SLC13A4: variants seen among roughly 807,000 people sequenced by gnomAD.
SLC13A4 encodes the protein solute carrier family 13 member 4, also known as Na(+)/sulfate cotransporter SUT-1.
SLC13A4 carries 28 observed loss-of-function variants against 72.7 expected under a neutral mutation model. That is an observed-to-expected ratio of 0.39 (90% CI 0.29 to 0.53). The LOEUF (loss-of-function observed/expected upper bound fraction) is 0.53, where lower values mean the gene tolerates loss of function less well. SLC13A4 is among the 20% of genes least tolerant of loss of function. SLC13A4 has a pLI of 0.78. For missense variants in SLC13A4, 653 were observed against 788.0 expected (o/e 0.83, Z 2.05); for synonymous variants, 312 against 325.5 (o/e 0.96, Z 0.45).
At chr7:135,697,587 T>C (rs76335961) in intron 8 of SLC13A4, among the ~76,000 whole-genome samples, 1 of 128,026 alleles carries the variant, frequency 7.8e-6, no homozygotes, top group South Asian at 2.5e-4. Flanking sequence ...TCTGTTCTCC[T>C]TTTTTTTTTT....
chr7:135,706,581 G>C (rs1429415129), intron 3 of SLC13A4, among the ~76,000 whole-genome samples: 3 of 152,248 alleles, frequency 2.0e-5, no homozygotes, highest in African/African-American at 7.2e-5. Context: ...TGGTAGTAGG[G>C]CCACAGGGTG....
chr7:135,711,963 ATTTTTTTTTTTTTTTTTTT>A (rs529940903), intron 2 of SLC13A4, among the ~76,000 whole-genome samples: 541 of 46,918 alleles, frequency 0.012, 15 homozygotes, highest in African/African-American at 0.035. Context: ...ATGTTTTTGG[ATTTTTTTTTTTTTTTTTTT>A]TTTTTTTTTT....
At chr7:135,724,092 C>T (rs1266783543) in intron 1 of SLC13A4, among the ~76,000 whole-genome samples, 1 of 152,216 alleles carries the variant, frequency 6.6e-6, no homozygotes, top group Non-Finnish European at 1.5e-5. Flanking sequence ...AAAATGTCTG[C>T]CCCTCACTGG....
chr7:135,702,288 A>G (rs1348569861), intron 6 of SLC13A4: 1 of 156,632 alleles, frequency 6.4e-6, no homozygotes, highest in Non-Finnish European at 1.4e-5. Flanking sequence ...AAAGATGTAT[A>G]ACCAGATTTG....
chr7:135,701,544 G>T, intron 7 of SLC13A4, 136 bp downstream of exon 7: 2 of 838,258 alleles, frequency 2.4e-6, no homozygotes, highest in Non-Finnish European at 3.9e-6. Context: ...ACACAGGCCA[G>T]ACATGTATGA....
In SLC13A4 at chr7:135,702,826, A is replaced by G. The variant is rs749886800; in HGVS notation, c.633+19T>C. The G allele has an allele frequency of 6.2e-6, 10 of 1,611,444 alleles. No homozygotes were observed. In the Admixed American group the frequency reaches 1.5e-4, roughly 24 times the overall value. ...ATTTTCAAGTGATTCCAAAGCACAGAAAAACCCCAAGGCCATACCTCGTTG... is the reference window on the plus strand; with the variant it reads ...ATTTTCAAGTGATTCCAAAGCACAGGAAAACCCCAAGGCCATACCTCGTTG... On this transcript the variant is annotated intron_variant, in intron 6 of 15. Transcript: ENST00000682651.
rs937089720 is a variant in SLC13A4 at position 135,727,686 on chromosome 7, G to A, written c.-190C>T. The A allele has an allele frequency of 2.0e-5, 12 of 608,266 alleles. No individual in the cohort carries two copies. The highest frequency in any genetic ancestry group is 3.0e-5 in the Non-Finnish European group (11 of 368,870). 37.7% of individuals were successfully genotyped at this position (608,266 alleles called of 1,614,324 possible). The stretch of plus-strand genomic sequence containing the variant: ...TGTTTCTACAAGAGGCTGGGCTCCT[G>A]GCCTCCTGCTTTAGGTGGGATTGAT... On this transcript the variant is annotated 5_prime_UTR_variant, in exon 1 of 16. Coordinates refer to ENST00000682651, the MANE Select transcript of SLC13A4 (RefSeq NM_001318192.2).
intron 1 of SLC13A4, among the ~76,000 whole-genome samples, chr7:135,725,075 A>C (rs562856731): frequency 6.6e-6 from 1 of 152,272 alleles, no homozygotes; most frequent in South Asian, 2.1e-4. Context: ...GGTTCCTTAT[A>C]ATAGCAGGTA....
At position 135,726,982 on chromosome 7, in the gene SLC13A4, T is replaced by C. The variant is rs535052219; in HGVS notation, c.99+416A>G. Reference sequence around the variant, plus strand: ...CCCAACCTTCTCCTCAGTGCCACTATTGGGAGCTCTTTCTGTGTCTCCAGG... The same window carrying C: ...CCCAACCTTCTCCTCAGTGCCACTACTGGGAGCTCTTTCTGTGTCTCCAGG... On this transcript the variant is annotated intron_variant, in intron 1 of 15. Transcript: ENST00000682651. 3.3e-5 allele frequency among the ~76,000 whole-genome samples: 5 copies of C among 152,282 alleles called. No homozygotes were observed. The East Asian group carries it at 9.7e-4, about 29-fold the overall frequency.
rs1404287161 is a variant in SLC13A4 at position 135,706,175 on chromosome 7, T to G, written c.491A>C (p.Glu164Ala). 6.2e-7 allele frequency: 1 copy of G among 1,610,932 alleles called. No homozygotes were observed. Among genetic ancestry groups the G allele is most frequent in the African/African-American group, 1.3e-5 (1 of 74,996 alleles). ...GTTGGAGTTGCCCGCCACGAGCTGC[T>G]CGTCCTCAGCACTGACCAGCTCCTG... ...VLQELVSAEDEQLVAGNSNTE... is the reference protein window; with the variant it reads ...VLQELVSAEDAQLVAGNSNTE... Residue 164 changes from glutamate to alanine, a missense_variant, in exon 4 of 16, where the codon GAG (glutamate) becomes GCG (alanine). Coordinates refer to ENST00000682651, the MANE Select transcript of SLC13A4 (RefSeq NM_001318192.2).
intron 13 of SLC13A4, among the ~76,000 whole-genome samples, chr7:135,687,521 C>A (rs1290969599): frequency 3.9e-5 from 6 of 152,220 alleles, no homozygotes; most frequent in Non-Finnish European, 7.4e-5. Context: ...CTTCAGAATT[C>A]TCTCTGTTGT....
At chr7:135,683,994 T>C in intron 15 of SLC13A4, 130 bp downstream of exon 15, 1 of 1,117,634 alleles carries the variant, frequency 8.9e-7, no homozygotes, top group Non-Finnish European at 1.2e-6. Flanking sequence ...CTATTCTTGC[T>C]ACCACACTGG....
chr7:135,695,279 C>T (rs1795875509), intron 9 of SLC13A4, 89 bp downstream of exon 9: 1 of 1,564,946 alleles, frequency 6.4e-7, no homozygotes, highest in Non-Finnish European at 8.7e-7. Context: ...TGGCAGTCCC[C>T]CTTGCACAGA....
rs3110800 is a variant in SLC13A4 at position 135,708,128 on chromosome 7, T to C, written c.351A>G (p.Gly117=). ...ATAAGACTTACATGCCCGGCTTGGC[T>C]CCGGCCATCAAGACCATGCGCAGAG... ...RIALRMVLMA[G]AKPGMLLLCF... The change falls in exon 3 of 16, where the codon GGA becomes GGG. Residue 117 remains glycine, a synonymous_variant. Coordinates refer to ENST00000682651, the MANE Select transcript of SLC13A4 (RefSeq NM_001318192.2). The C allele has an allele frequency of 0.6, 968,563 of 1,612,752 alleles. 293,456 individuals are homozygous for C. Among genetic ancestry groups the C allele is most frequent in the East Asian group, 0.85 (38,219 of 44,850 alleles).
rs574565999 is a variant in SLC13A4, at chr7:135,716,833, A to G, written c.228+4562T>C. Among the ~76,000 whole-genome samples the G allele has an allele frequency of 2.0e-5, 3 of 152,326 alleles. No homozygotes were observed. The East Asian group carries it at 5.8e-4, about 29-fold the overall frequency. On this transcript the variant is annotated intron_variant, in intron 2 of 15. Transcript: ENST00000682651. ...ACCTTCACGGAGGATTAAGTTATAT[A>G]GTGTGTGTAAATGACCTCCCACAGT...
chr7:135,721,038 C>A (rs766818381), intron 2 of SLC13A4, among the ~76,000 whole-genome samples: 2 of 152,132 alleles, frequency 1.3e-5, no homozygotes, highest in Non-Finnish European at 2.9e-5. Flanking sequence ...GTGTGCTTAT[C>A]GTCTAAATAG....
intron 1 of SLC13A4, among the ~76,000 whole-genome samples, chr7:135,725,158 C>A (rs1039134652): frequency 2.0e-5 from 3 of 152,110 alleles, no homozygotes; most frequent in African/African-American, 7.2e-5. Context: ...TTTTTGGCTC[C>A]CGTTTACAAG....
intron 9 of SLC13A4, 108 bp downstream of exon 9, chr7:135,695,259 TG>T: frequency 6.9e-7 from 1 of 1,441,242 alleles, no homozygotes; most frequent in East Asian, 2.3e-5. Context: ...GGGCATCCTC[TG>T]TGGTTACTTG....
chr7:135,705,570 G>A, intron 5 of SLC13A4, 26 bp downstream of exon 5: 1 of 1,611,888 alleles, frequency 6.2e-7, no homozygotes, highest in East Asian at 2.2e-5. Context: ...GAGAGGCGCT[G>A]TCTGGGAGAG....
Sources: allele counts gnomAD v4.1 joint callset (sites outside exome capture counted in the v4.1 genomes callset), GRCh38; gene constraint gnomAD v4.1.1; transcripts MANE v1.5; gene names NCBI Gene and HGNC (gene_info 2026-07-23, HGNC 2026-07-21).